TEX11: variants seen among roughly 807,000 people sequenced by gnomAD.
The protein encoded by TEX11 is testis-expressed protein 11.
In TEX11, 7 loss-of-function variants were observed where a neutral mutation model predicts 84.4. The observed-to-expected ratio is 0.08, with a 90% CI of 0.05 to 0.16. The LOEUF is 0.16. TEX11 is among the 10% of genes least tolerant of loss of function. The pLI is 1.00. For synonymous variants in TEX11, 264 were observed against 222.8 expected (o/e 1.18, Z -1.64); for missense variants, 551 against 660.5 (o/e 0.83, Z 1.82).
At chrX:70,530,419 A>G (rs1325391346) in intron 28 of TEX11, among the ~76,000 whole-genome samples, 1 of 111,945 alleles carries the variant, frequency 8.9e-6, no homozygotes, top group Non-Finnish European at 1.9e-5. Context: ...GAATTAGTCC[A>G]TATTTGGAGT....
intron 17 of TEX11, among the ~76,000 whole-genome samples, chrX:70,635,406 C>A (rs1277603333): frequency 8.9e-6 from 1 of 112,097 alleles, no homozygotes; most frequent in South Asian, 3.7e-4. Flanking sequence ...CAGACCTGCC[C>A]GAAGGACTTG....
intron 4 of TEX11, among the ~76,000 whole-genome samples, chrX:70,864,617 C>A (rs1432168236): frequency 9.4e-6 from 1 of 106,927 alleles, no homozygotes; most frequent in Non-Finnish European, 1.9e-5. Context: ...TGGCACACAC[C>A]TGTAGTCTCA....
At chrX:70,670,575 C>T (rs1336442539) in intron 15 of TEX11, 61 bp from the exon 16 acceptor site, 8 of 1,119,850 alleles carry the variant, frequency 7.1e-6, no homozygotes, top group Non-Finnish European at 9.4e-6. Flanking sequence ...TTTCCCAAGT[C>T]ACCTCTAGAA....
intron 16 of TEX11, among the ~76,000 whole-genome samples, chrX:70,653,107 T>C (rs2089827971): frequency 9.0e-6 from 1 of 111,424 alleles, no homozygotes; most frequent in Non-Finnish European, 1.9e-5. Flanking sequence ...GAAGATAACA[T>C]AGGAGAAATT....
intron 2 of TEX11, among the ~76,000 whole-genome samples, chrX:70,897,287 T>C (rs1269481962): frequency 9.8e-6 from 1 of 102,365 alleles, no homozygotes; most frequent in African/African-American, 3.6e-5. Flanking sequence ...TTGTGGGCAA[T>C]ATGAATGAAA....
intron 18 of TEX11, among the ~76,000 whole-genome samples, chrX:70,625,266 G>T (rs2089438166): frequency 1.8e-5 from 2 of 110,402 alleles, no homozygotes; most frequent in Admixed American, 1.9e-4. Context: ...CTCATTTCCA[G>T]CACTCTATTC....
At chrX:70,900,113 A>C (rs2091794108) in intron 2 of TEX11, among the ~76,000 whole-genome samples, 1 of 100,625 alleles carries the variant, frequency 9.9e-6, no homozygotes, top group Admixed American at 1.1e-4. Context: ...AGAGGTTGCA[A>C]TGAGCCGAGA....
At chrX:70,662,335 A>T (rs2089937493) in intron 16 of TEX11, among the ~76,000 whole-genome samples, 1 of 111,925 alleles carries the variant, frequency 8.9e-6, no homozygotes. Context: ...AAAAGAAATG[A>T]AAAAAGCCTC....
chrX:70,761,527 G>A lies in TEX11; in HGVS notation c.693-17308C>T, dbSNP rs184599260. Among the ~76,000 whole-genome samples the A allele has an allele frequency of 4.1e-3, 456 of 111,601 alleles. 1 individual carries two copies. Among genetic ancestry groups the A allele is most frequent in the Non-Finnish European group, 5.6e-3 (299 of 53,089 alleles). On this transcript the variant is annotated intron_variant, in intron 9 of 29. Coordinates refer to ENST00000374333, the MANE Select transcript of TEX11 (RefSeq NM_031276.3). Reference sequence around the variant, plus strand: ...TCACAAGGACAGAAAACCAAACACCGCATGTTCTCACTCATAAGTGGGAGT... The same window carrying A: ...TCACAAGGACAGAAAACCAAACACCACATGTTCTCACTCATAAGTGGGAGT...
At chrX:70,637,999 A>G (rs1259642641) in intron 17 of TEX11, among the ~76,000 whole-genome samples, 1 of 111,712 alleles carries the variant, frequency 9.0e-6, no homozygotes, top group East Asian at 2.8e-4. Flanking sequence ...TTATGGGACA[A>G]CAACAAAAGG....
intron 8 of TEX11, among the ~76,000 whole-genome samples, chrX:70,816,634 C>T (rs982480240): frequency 9.1e-6 from 1 of 109,710 alleles, no homozygotes; most frequent in African/African-American, 3.3e-5. Flanking sequence ...ATCGCTTGAA[C>T]CTGGGAGGCG....
intron 16 of TEX11, among the ~76,000 whole-genome samples, chrX:70,668,456 G>A (rs1234774037): frequency 8.9e-6 from 1 of 111,998 alleles, no homozygotes; most frequent in Admixed American, 9.4e-5. Flanking sequence ...TATATGGAGG[G>A]TATCCAATCA....
At chrX:70,845,420 C>T (rs1400306836) in intron 7 of TEX11, among the ~76,000 whole-genome samples, 2 of 111,029 alleles carry the variant, frequency 1.8e-5, no homozygotes, top group Non-Finnish European at 3.8e-5. Flanking sequence ...CCTCGGCCTC[C>T]CAAAGTGATG....
chrX:70,568,164 C>T (rs1250210299), intron 25 of TEX11, among the ~76,000 whole-genome samples: 1 of 111,395 alleles, frequency 9.0e-6, no homozygotes, highest in Non-Finnish European at 1.9e-5. Flanking sequence ...ATGTAATGGC[C>T]TTCTTTGTCT....
chrX:70,715,166 T>G (rs140951037), intron 13 of TEX11, among the ~76,000 whole-genome samples: 1,855 of 109,716 alleles, frequency 0.017, 51 homozygotes, highest in African/African-American at 0.061. Context: ...AGATCAGCTG[T>G]TAGTCTGATG....
At chrX:70,648,754 T>C (rs1041992247) in intron 17 of TEX11, among the ~76,000 whole-genome samples, 2 of 111,573 alleles carry the variant, frequency 1.8e-5, no homozygotes, top group African/African-American at 6.5e-5. Context: ...GTGCAGAAAG[T>C]GCAGTTTTAT....
chrX:70,733,398 A>G (rs2090670108), intron 11 of TEX11, among the ~76,000 whole-genome samples: 1 of 111,626 alleles, frequency 9.0e-6, no homozygotes, highest in Non-Finnish European at 1.9e-5. Context: ...TTTGCAATCT[A>G]CTCATCTGAC....
intron 2 of TEX11, among the ~76,000 whole-genome samples, chrX:70,889,177 A>G (rs1341911271): frequency 9.0e-6 from 1 of 110,964 alleles, no homozygotes; most frequent in Non-Finnish European, 1.9e-5. Context: ...GCACTTTGGG[A>G]GGCCGAGGTG....
chrX:70,864,330 G>C (rs1431221479), intron 4 of TEX11, among the ~76,000 whole-genome samples: 2 of 111,331 alleles, frequency 1.8e-5, no homozygotes, highest in Non-Finnish European at 3.8e-5. Flanking sequence ...AGGGCAGCCA[G>C]AGAGAAAGGT....
Sources: gnomAD v4.1 joint callset for allele counts (sites outside exome capture counted in the v4.1 genomes callset) on GRCh38, gnomAD v4.1.1 for gene constraint, MANE v1.5 for transcripts, NCBI Gene and HGNC (gene_info 2026-07-23, HGNC 2026-07-21) for gene names.